Variants in PHC2 observed in about 807,000 individuals in gnomAD.
The protein encoded by PHC2 is polyhomeotic-like protein 2.
Under a neutral mutation model 87.4 loss-of-function variants are expected in PHC2, and 29 were observed. The ratio of observed to expected loss-of-function variants is 0.33; its 90% confidence interval spans 0.25 to 0.45. PHC2 has a LOEUF of 0.45. Ranked by LOEUF, PHC2 falls within the 20% of genes least tolerant of loss-of-function variation. The pLI is 1.00. For synonymous variants in PHC2, 438 were observed against 461.7 expected (o/e 0.95, Z 0.66); for missense variants, 857 against 1,136.7 (o/e 0.75, Z 3.54).
Position 33,368,501 on chromosome 1 carries a change from ACCCCC to A in PHC2, c.663+30_663+34del. 6 of 1,194,888 alleles carry A rather than the reference ACCCCC, an allele frequency of 5.0e-6. No homozygotes were observed. Among genetic ancestry groups the A allele is most frequent in the Non-Finnish European group, 7.1e-6 (6 of 848,604 alleles). The allele number at this position is 1,194,888 out of a possible 1,614,324, so 74.0% of individuals were successfully genotyped here. A position where few individuals can be genotyped will look rare whatever the true frequency, so the allele number is the denominator to read the frequency against. On this transcript the variant is annotated intron_variant, in intron 6 of 14. Coordinates refer to ENST00000683057, the MANE Select transcript of PHC2 (RefSeq NM_001385109.1). The surrounding 1 kb of genome is among the most constrained non-coding windows in gnomAD (Gnocchi z 6.6). ...TCAGTGCCCCTCTACAGGGGTGCCCACCCCCCTGCCCTCCCACAAGCATGGAGTCC... is the reference window on the plus strand; with the variant it reads ...TCAGTGCCCCTCTACAGGGGTGCCCACTGCCCTCCCACAAGCATGGAGTCC...
At chr1:33,409,709 G>A (rs989421419) in intron 1 of PHC2, among the ~76,000 whole-genome samples, 4 of 152,098 alleles carry the variant, frequency 2.6e-5, no homozygotes, top group Admixed American at 2.0e-4. Context: ...TGTCCCACTT[G>A]GTCCATACAT....
intron 1 of PHC2, among the ~76,000 whole-genome samples, chr1:33,418,648 A>T (rs572857939): frequency 6.6e-6 from 1 of 152,304 alleles, no homozygotes; most frequent in East Asian, 1.9e-4. Context: ...TTTATTGGTG[A>T]ATTCCATTAA....
Position 33,349,960 on chromosome 1 carries a change from G to A in PHC2, c.1558+4441C>T. On this transcript the variant is annotated intron_variant, in intron 9 of 14. Transcript: ENST00000683057. This position sits in a 1 kb window ranked among gnomAD's most constrained non-coding sequence, Gnocchi z 4.2. Reference sequence around the variant, plus strand: ...CGGGGGCGGGGCGAGGGAGCGGGGCGGGGAGGGGCGGGGCCGCGGGAGGGG... The same window carrying A: ...CGGGGGCGGGGCGAGGGAGCGGGGCAGGGAGGGGCGGGGCCGCGGGAGGGG... 2.4e-6 allele frequency: 1 copy of A among 417,286 alleles called. No homozygotes were observed. The highest frequency in any genetic ancestry group is 3.2e-6 in the Non-Finnish European group (1 of 312,332). 25.8% of individuals were successfully genotyped at this position (417,286 alleles called of 1,614,324 possible). A position where few individuals can be genotyped will look rare whatever the true frequency, so the allele number is the denominator to read the frequency against.
At chr1:33,330,659 G>C (rs531543140) in intron 12 of PHC2, among the ~76,000 whole-genome samples, 1 of 152,182 alleles carries the variant, frequency 6.6e-6, no homozygotes, top group African/African-American at 2.4e-5. Context: ...GAACACCTCT[G>C]TCTGGGACCT....
In PHC2 at chr1:33,410,488, C is replaced by G. The variant is rs554302706; in HGVS notation, c.-55+20488G>C. Among the ~76,000 whole-genome samples, 10 of 152,296 alleles carry G rather than the reference C, an allele frequency of 6.6e-5. No homozygotes were observed. In the South Asian group the frequency reaches 2.1e-3, roughly 32 times the overall value. On this transcript the variant is annotated intron_variant, in intron 1 of 14. Coordinates refer to ENST00000683057, the MANE Select transcript of PHC2 (RefSeq NM_001385109.1). ...ATGAGAGCACCTAATCGGGTTTGACCCCACAGCCTGTGTGTATGCAGAAAG... is the reference window on the plus strand; with the variant it reads ...ATGAGAGCACCTAATCGGGTTTGACGCCACAGCCTGTGTGTATGCAGAAAG...
intron 1 of PHC2, among the ~76,000 whole-genome samples, chr1:33,388,779 G>A (rs1490184117): frequency 1.3e-5 from 2 of 152,138 alleles, no homozygotes; most frequent in East Asian, 3.9e-4. Context: ...TTCCAGCATT[G>A]CTTTAGATCA....
rs745769042 is a variant in PHC2 at position 33,332,352 on chromosome 1, C to T, written c.1814G>A (p.Gly605Glu). ...CTGTGGAAGTTTCTCAGGCAGGAAC[C>T]CCTGTGCATACTTCTTCTTGAGATT... is the stretch of plus-strand genomic sequence containing the variant. ...VGNLKKKYAQ[G>E]FLPEKLPQQD... The change falls in exon 11 of 15, where the codon GGG becomes GAG. Residue 605 changes from glycine to glutamate, a missense_variant. Gly to Glu is a moderately conservative substitution (Grantham distance 98, BLOSUM62 -2). Around this residue, in one of 3 missense-constraint regions of PHC2, gnomAD observed 832 missense variants for 1,081.8 expected, o/e 0.77. Transcript: ENST00000683057. This position sits in a 1 kb window ranked among gnomAD's most constrained non-coding sequence, Gnocchi z 4.2. 2 of 1,614,138 alleles carry T rather than the reference C, an allele frequency of 1.2e-6. No individual in the cohort carries two copies. The highest frequency in any genetic ancestry group is 1.1e-5 in the South Asian group (1 of 91,078).
At chr1:33,355,829 A>G (rs1647060521) in intron 7 of PHC2, among the ~76,000 whole-genome samples, 1 of 152,250 alleles carries the variant, frequency 6.6e-6, no homozygotes, top group African/African-American at 2.4e-5. Context: ...GGACCTGGAA[A>G]TAACTACTCT....
chr1:33,346,613 C>T (rs1012737191), intron 9 of PHC2: 6 of 985,408 alleles, frequency 6.1e-6, no homozygotes, highest in Non-Finnish European at 7.2e-6. Context: ...TGATGAGCAG[C>T]ATTACAGGAA....
chr1:33,422,910 G>A lies in PHC2; in HGVS notation c.-55+8066C>T, dbSNP rs1206788488. Among the ~76,000 whole-genome samples, 45 of 151,534 alleles carry A rather than the reference G, an allele frequency of 3.0e-4. 1 individual carries two copies. The highest frequency in any genetic ancestry group is 3.0e-3 in the Admixed American group (45 of 15,162). On this transcript the variant is annotated intron_variant, in intron 1 of 14. Coordinates refer to ENST00000683057, the MANE Select transcript of PHC2 (RefSeq NM_001385109.1). ...TATCAATTCTATCTAGGAGGCCCCAGGAAATAAAGAAAGGTAAAACCTACA... is the reference window on the plus strand; with the variant it reads ...TATCAATTCTATCTAGGAGGCCCCAAGAAATAAAGAAAGGTAAAACCTACA...
At chr1:33,419,582 C>T (rs1278973290) in intron 1 of PHC2, among the ~76,000 whole-genome samples, 1 of 151,462 alleles carries the variant, frequency 6.6e-6, no homozygotes, top group African/African-American at 2.4e-5. Flanking sequence ...ATTGTCTCCA[C>T]CTTGTCTGTG....
rs1460673361 is a variant in PHC2 at position 33,329,151 on chromosome 1, GAGC to G, written c.2149-8_2149-6del. The G allele has an allele frequency of 3.7e-6, 6 of 1,608,442 alleles. No homozygotes were observed. Among genetic ancestry groups the G allele is most frequent in the Non-Finnish European group, 5.1e-6 (6 of 1,175,842 alleles). ...AAGGGGCACAGTGCCTGTTGGCTGGGAGCAGAGAGTTTTCTTCAGGATGGGGGA... is the reference window on the plus strand; with the variant it reads ...AAGGGGCACAGTGCCTGTTGGCTGGGAGAGAGTTTTCTTCAGGATGGGGGA... On this transcript the variant is annotated splice_polypyrimidine_tract_variant and splice_region_variant and intron_variant, in intron 13 of 14. Transcript: ENST00000683057.
In PHC2 at chr1:33,372,458, A is replaced by G. The variant is rs1347869304; in HGVS notation, c.175-11T>C. ...GGCCTGCTGGATCACCTGAGAAGGG[A>G]GGGAGGGGGAAGAGCCAGGCTGGTA... On this transcript the variant is annotated splice_polypyrimidine_tract_variant and intron_variant, in intron 2 of 14. Coordinates refer to ENST00000683057, the MANE Select transcript of PHC2 (RefSeq NM_001385109.1). 2.6e-6 allele frequency: 4 copies of G among 1,532,530 alleles called. No individual in the cohort carries two copies. In the African/African-American group the frequency reaches 5.5e-5, roughly 21 times the overall value. The allele number at this position is 1,532,530 out of a possible 1,614,324, so 94.9% of individuals were successfully genotyped here. A position where few individuals can be genotyped will look rare whatever the true frequency, so the allele number is the denominator to read the frequency against.
intron 14 of PHC2, among the ~76,000 whole-genome samples, chr1:33,327,560 T>C (rs946407793): frequency 1.8e-4 from 27 of 152,090 alleles, no homozygotes; most frequent in Admixed American, 7.2e-4. Context: ...GTGTGACCCA[T>C]AAGATATTGT....
chr1:33,355,911 G>A (rs904867074), intron 7 of PHC2, among the ~76,000 whole-genome samples: 1 of 152,210 alleles, frequency 6.6e-6, no homozygotes, highest in African/African-American at 2.4e-5. Flanking sequence ...AGGATGAAAT[G>A]AGAAGAAAAT....
chr1:33,426,716 G>T (rs1339843054), intron 1 of PHC2, among the ~76,000 whole-genome samples: 1 of 152,134 alleles, frequency 6.6e-6, no homozygotes, highest in Admixed American at 6.5e-5. Flanking sequence ...GGGGACCATA[G>T]GAAAGTGTGA....
At chr1:33,396,659 C>T (rs1440022750) in intron 1 of PHC2, among the ~76,000 whole-genome samples, 2 of 152,222 alleles carry the variant, frequency 1.3e-5, no homozygotes, top group Non-Finnish European at 2.9e-5. Context: ...CATGGCCTTC[C>T]TCTGACACAA....
intron 13 of PHC2, 31 bp from the exon 14 acceptor site, chr1:33,329,177 G>C (rs770429912): frequency 2.4e-5 from 38 of 1,598,332 alleles, no homozygotes; most frequent in Non-Finnish European, 3.2e-5. Flanking sequence ...TCAGGATGGG[G>C]GAACAAACCA....
At chr1:33,338,287 G>GT (rs981009374) in intron 9 of PHC2, among the ~76,000 whole-genome samples, 14 of 152,132 alleles carry the variant, frequency 9.2e-5, no homozygotes, top group African/African-American at 2.7e-4. Flanking sequence ...ATTTGAGGTT[G>GT]TTTTTTAAAA....
Sources: gnomAD v4.1 joint callset for allele counts (sites outside exome capture counted in the v4.1 genomes callset) on GRCh38, gnomAD v4.1.1 for gene constraint, gnomAD v4.1.1 regional missense constraint, Gnocchi (gnomAD v3.1) non-coding constraint, MANE v1.5 for transcripts, NCBI Gene and HGNC (gene_info 2026-07-23, HGNC 2026-07-21) for gene names.